CAPN7: variants seen among roughly 807,000 people sequenced by gnomAD.
CAPN7 encodes the protein calpain-7.
Under a neutral mutation model 115.2 loss-of-function variants are expected in CAPN7, and 72 were observed. That is an observed-to-expected ratio of 0.63 (90% CI 0.52 to 0.76). CAPN7 has a LOEUF of 0.76. Among genes scored for constraint, CAPN7 ranks in the 30% least tolerant of loss-of-function variants. The probability of loss-of-function intolerance (pLI) is 0.00; values close to 1 mark genes in which losing one functional copy is unlikely to be tolerated. For synonymous variants in CAPN7, 344 were observed against 322.3 expected (o/e 1.07, Z -0.72); for missense variants, 905 against 971.5 (o/e 0.93, Z 0.91).
At chr3:15,210,959 A>C in intron 1 of CAPN7, 1 of 1,148,096 alleles carries the variant, frequency 8.7e-7, no homozygotes, top group Middle Eastern at 2.4e-4. Flanking sequence ...TTGCTTTTCT[A>C]GGTGGTAGCA....
intron 12 of CAPN7, among the ~76,000 whole-genome samples, chr3:15,240,159 A>G (rs1047478573): frequency 6.6e-6 from 1 of 152,256 alleles, no homozygotes; most frequent in Non-Finnish European, 1.5e-5. Context: ...ATTAGCCACT[A>G]TAGCTACTAG....
At chr3:15,212,274 C>T (rs994489484) in intron 2 of CAPN7, 62 bp downstream of exon 2, 3 of 877,220 alleles carry the variant, frequency 3.4e-6, no homozygotes, top group Admixed American at 5.0e-5. Flanking sequence ...ATGTCTTTCC[C>T]CCATGTTTGT....
At chr3:15,217,685 T>A in intron 3 of CAPN7, 103 bp downstream of exon 3, 2 of 900,270 alleles carry the variant, frequency 2.2e-6, no homozygotes, top group Non-Finnish European at 1.6e-6. Flanking sequence ...TTTAACAGAA[T>A]AAAAAAAATT....
chr3:15,220,982 G>A lies in CAPN7; in HGVS notation c.638+1G>A, dbSNP rs779906628. The A allele has an allele frequency of 6.2e-7, 1 of 1,610,256 alleles. No homozygotes were observed. The highest frequency in any genetic ancestry group is 8.5e-7 in the Non-Finnish European group (1 of 1,176,810). On this transcript the variant is annotated splice_donor_variant, in intron 5 of 20. Coordinates refer to ENST00000253693, the MANE Select transcript of CAPN7 (RefSeq NM_014296.3). LOFTEE classifies it high-confidence loss of function. ...CAGCAGAAGAAATAGAAGTACTCAGGTAAATAAGTTTACAATTAATTGTAA... is the reference window on the plus strand; with the variant it reads ...CAGCAGAAGAAATAGAAGTACTCAGATAAATAAGTTTACAATTAATTGTAA...
intron 6 of CAPN7, among the ~76,000 whole-genome samples, chr3:15,227,074 G>A (rs1022792887): frequency 2.0e-5 from 3 of 146,372 alleles, no homozygotes; most frequent in Non-Finnish European, 3.0e-5. Flanking sequence ...AGAGGTTCTA[G>A]AGCAGCCTGG....
chr3:15,210,596 C>CTTTTTTTTTT lies in CAPN7; in HGVS notation c.103-1500_103-1491dup, dbSNP rs371169868. ...TTTTCATTCCTTCCTTGCTTCCTTC[C>CTTTTTTTTTT]TTTTTTTTTTTTTTTTTGGACAGTA... On this transcript the variant is annotated intron_variant, in intron 1 of 20. Coordinates refer to ENST00000253693, the MANE Select transcript of CAPN7 (RefSeq NM_014296.3). 1.5e-3 allele frequency among the ~76,000 whole-genome samples: 155 copies of CTTTTTTTTTT among 104,410 alleles called. 23 individuals carry two copies. Among genetic ancestry groups the CTTTTTTTTTT allele is most frequent in the African/African-American group, 8.0e-3 (132 of 16,470 alleles). The allele number at this position is 104,410 out of a possible 152,430, so 68.5% of individuals were successfully genotyped here.
At chr3:15,219,858 C>T (rs1390131996) in intron 4 of CAPN7, among the ~76,000 whole-genome samples, 3 of 152,210 alleles carry the variant, frequency 2.0e-5, no homozygotes, top group Non-Finnish European at 4.4e-5. Context: ...CTAGTCTCAT[C>T]TCCTGCTGCC....
At chr3:15,207,692 G>T (rs2044708360) in intron 1 of CAPN7, among the ~76,000 whole-genome samples, 1 of 150,702 alleles carries the variant, frequency 6.6e-6, no homozygotes, top group Non-Finnish European at 1.5e-5. Context: ...GTTAGCCTAG[G>T]CCTACACCTC....
At chr3:15,228,447 A>G (rs1413807017) in intron 7 of CAPN7, among the ~76,000 whole-genome samples, 1 of 152,228 alleles carries the variant, frequency 6.6e-6, no homozygotes, top group Non-Finnish European at 1.5e-5. Context: ...CAAAATAACA[A>G]AGACATGGAA....
Position 15,252,649 on chromosome 3 carries a change from A to T in CAPN7, c.*1389A>T, listed in dbSNP as rs1432630326. On this transcript the variant is annotated 3_prime_UTR_variant, in exon 21 of 21. Transcript: ENST00000253693. Reference sequence around the variant, plus strand: ...AAACCTAATCCCTGCCATCAAATTTATTAGAAGAGACCTATATATGAACAA... The same window carrying T: ...AAACCTAATCCCTGCCATCAAATTTTTTAGAAGAGACCTATATATGAACAA... The T allele has an allele frequency of 6.6e-6, 1 of 152,184 alleles. No homozygotes were observed. The highest frequency in any genetic ancestry group is 1.5e-5 in the Non-Finnish European group (1 of 68,028). 9.4% of individuals were successfully genotyped at this position (152,184 alleles called of 1,614,324 possible).
chr3:15,230,559 C>A, intron 9 of CAPN7, 24 bp downstream of exon 9: 1 of 1,360,332 alleles, frequency 7.4e-7, no homozygotes. Flanking sequence ...CTCCCCACTC[C>A]CATCCCTTGT....
At chr3:15,237,526 A>AC (rs1244339960) in intron 12 of CAPN7, among the ~76,000 whole-genome samples, 1 of 151,976 alleles carries the variant, frequency 6.6e-6, no homozygotes, top group East Asian at 1.9e-4. Flanking sequence ...TCAGTGTTGA[A>AC]CCCCCCAGCC....
At chr3:15,230,170 T>C (rs947506029) in intron 8 of CAPN7, among the ~76,000 whole-genome samples, 4 of 152,216 alleles carry the variant, frequency 2.6e-5, no homozygotes, top group African/African-American at 7.2e-5. Context: ...TAATAGATGG[T>C]TTATTAGGGT....
rs1263751191 is a variant in CAPN7, at chr3:15,251,171, A to T, written c.2353A>T (p.Ile785Phe). The T allele has an allele frequency of 6.2e-7, 1 of 1,608,006 alleles. No homozygotes were observed. The highest frequency in any genetic ancestry group is 8.5e-7 in the Non-Finnish European group (1 of 1,175,290). Residue 785 changes from isoleucine (I) to phenylalanine (F), a missense_variant, in exon 21 of 21, where the codon ATT becomes TTT. Physicochemically the swap from Ile to Phe is conservative, Grantham distance 21 (BLOSUM62 0). Transcript: ENST00000253693. ...ENIPSGIFNI[I>F]PSTFLPKQEG... ...TATACCTTCTGGGATCTTCAATATC[A>T]TTCCTAGTACCTTTTTGCCTAAACA...
chr3:15,228,372 C>G (rs1035772483), intron 7 of CAPN7, among the ~76,000 whole-genome samples: 1 of 152,112 alleles, frequency 6.6e-6, no homozygotes, highest in Non-Finnish European at 1.5e-5. Context: ...TATGGTGTTT[C>G]TATTTGTTAC....
Position 15,251,220 on chromosome 3 carries a change from T to C in CAPN7, c.2402T>C (p.Phe801Ser), listed in dbSNP as rs1226640947. 1 of 1,610,594 alleles carries C rather than the reference T, an allele frequency of 6.2e-7. No individual in the cohort carries two copies. The highest frequency in any genetic ancestry group is 2.2e-5 in the East Asian group (1 of 44,824). ...CAAGAAGGACCTTTTTTCTTGGACT[T>C]TAATAGTATTATCCCCATCAAGATC... ...PKQEGPFFLDFNSIIPIKITQ... is the reference protein window; with the variant it reads ...PKQEGPFFLDSNSIIPIKITQ... The change falls in exon 21 of 21, where the codon TTT becomes TCT. Residue 801 changes from phenylalanine to serine, a missense_variant. Coordinates refer to ENST00000253693, the MANE Select transcript of CAPN7 (RefSeq NM_014296.3).
At chr3:15,217,672 A>T in intron 3 of CAPN7, 90 bp downstream of exon 3, 6 of 1,048,314 alleles carry the variant, frequency 5.7e-6, no homozygotes, top group Non-Finnish European at 7.9e-6. Context: ...TGAATAAAAG[A>T]ATTTTAACAG....
At chr3:15,222,350 A>G (rs1479695624) in intron 5 of CAPN7, among the ~76,000 whole-genome samples, 3 of 152,228 alleles carry the variant, frequency 2.0e-5, no homozygotes, top group Non-Finnish European at 4.4e-5. Flanking sequence ...CAGTGTAGCT[A>G]GGATAAGTCC....
intron 7 of CAPN7, 75 bp downstream of exon 7, chr3:15,228,040 T>TG: frequency 8.6e-7 from 1 of 1,166,758 alleles, no homozygotes; most frequent in South Asian, 3.0e-5. Context: ...TTGAGTTTTT[T>TG]CTTAGATTTT....
Sources: gnomAD v4.1 joint callset for allele counts (sites outside exome capture counted in the v4.1 genomes callset) on GRCh38, gnomAD v4.1.1 for gene constraint, MANE v1.5 for transcripts, NCBI Gene and HGNC (gene_info 2026-07-23, HGNC 2026-07-21) for gene names.